Variants in SVIL observed in about 807,000 individuals in gnomAD.
SVIL encodes the protein archvillin.
SVIL carries 101 observed loss-of-function variants against 240.4 expected under a neutral mutation model. The ratio of observed to expected loss-of-function variants is 0.42; its 90% CI spans 0.36 to 0.50. SVIL has a LOEUF of 0.50. SVIL is among the 20% of genes least tolerant of loss of function. SVIL has a pLI of 0.01. For missense variants in SVIL, 2,512 were observed against 2,818.7 expected, an observed-to-expected ratio of 0.89 and a Z score of 2.46; for synonymous variants, 999 against 1,100.0, an observed-to-expected ratio of 0.91 and a Z score of 1.82.
chr10:29,509,335 GAGA>G (rs1564540980), intron 17 of SVIL, among the ~76,000 whole-genome samples: 109 of 47,144 alleles, frequency 2.3e-3, no homozygotes, highest in Admixed American at 6.5e-3. Context: ...GGGAGGGAGA[GAGA>G]GAGAGAGAGA....
rs184848251 is a variant in SVIL, at chr10:29,710,309, C to T, written c.-399-23658G>A. On this transcript the variant is annotated intron_variant, in intron 1 of 35. Transcript: ENST00000375400. ...GCTCAATTGATCTGCCCACCTTGGC[C>T]TCCTCCCAAAGTGTCGGGATTATAG... 1.3e-3 allele frequency among the ~76,000 whole-genome samples: 204 copies of T among 152,304 alleles called. 1 individual carries two copies. The highest frequency in any genetic ancestry group is 4.8e-3 in the African/African-American group (199 of 41,576).
At chr10:29,652,216 A>C (rs371872556) in intron 3 of SVIL, among the ~76,000 whole-genome samples, 14 of 152,224 alleles carry the variant, frequency 9.2e-5, no homozygotes, top group African/African-American at 2.9e-4. Context: ...TTGCCACCAT[A>C]CACCCCCTGT....
In SVIL at chr10:29,497,453, A is replaced by T. The variant is rs114725061; in HGVS notation, c.3664+1663T>A. ...TGCAGGATATGAAATAAAGCCCCAA[A>T]CACTCTTATGAAGCCTCAAAGCTCT... On this transcript the variant is annotated intron_variant, in intron 18 of 37. Coordinates refer to ENST00000355867, the MANE Select transcript of SVIL (RefSeq NM_021738.3). Among the ~76,000 whole-genome samples, 716 of 152,330 alleles carry T rather than the reference A, an allele frequency of 4.7e-3. 6 individuals are homozygous for T. The highest frequency in any genetic ancestry group is 0.017 in the African/African-American group (686 of 41,570).
intron 3 of SVIL, among the ~76,000 whole-genome samples, chr10:29,561,584 A>AT (rs199711026): frequency 0.14 from 20,830 of 144,528 alleles, 1,481 homozygotes; most frequent in South Asian, 0.19. Context: ...CTCAGAGGAA[A>AT]TTTTTTTTTT....
intron 3 of SVIL, among the ~76,000 whole-genome samples, chr10:29,655,772 T>C (rs961032191): frequency 6.6e-6 from 1 of 152,200 alleles, no homozygotes; most frequent in African/African-American, 2.4e-5. Flanking sequence ...CTTTCAGCCC[T>C]TCACCATTCA....
At chr10:29,552,709 C>T (rs1953491099) in intron 5 of SVIL, among the ~76,000 whole-genome samples, 1 of 152,030 alleles carries the variant, frequency 6.6e-6, no homozygotes, top group Non-Finnish European at 1.5e-5. Context: ...ATTAAATATT[C>T]ATGTATCTTT....
chr10:29,725,760 T>C (rs1964248551), intron 1 of SVIL, among the ~76,000 whole-genome samples: 1 of 152,112 alleles, frequency 6.6e-6, no homozygotes, highest in South Asian at 2.1e-4. Context: ...AAAGAAAGCC[T>C]CTTTAGAAAC....
intron 1 of SVIL, among the ~76,000 whole-genome samples, chr10:29,731,241 A>G (rs1288923115): frequency 6.6e-6 from 1 of 152,304 alleles, no homozygotes; most frequent in Non-Finnish European, 1.5e-5. Context: ...CCCAACCCTT[A>G]TTCATCTTTA....
chr10:29,538,421 A>G (rs964435862), intron 6 of SVIL, among the ~76,000 whole-genome samples: 2 of 152,262 alleles, frequency 1.3e-5, no homozygotes, highest in African/African-American at 4.8e-5. Context: ...GTCTGAGTAT[A>G]TAGACAGTCT....
chr10:29,642,412 AGAGT>A (rs1958513815), intron 3 of SVIL, among the ~76,000 whole-genome samples: 3 of 138,260 alleles, frequency 2.2e-5, no homozygotes, highest in Non-Finnish European at 3.1e-5. Context: ...AGAAAGAGAG[AGAGT>A]GAGAAAGAAA....
intron 20 of SVIL, among the ~76,000 whole-genome samples, chr10:29,494,588 A>G (rs1310508438): frequency 6.6e-6 from 1 of 152,184 alleles, no homozygotes; most frequent in Non-Finnish European, 1.5e-5. Flanking sequence ...ATTAGCTTTT[A>G]CCTTATTGGA....
intron 32 of SVIL, among the ~76,000 whole-genome samples, chr10:29,468,763 A>G (rs1945225810): frequency 6.6e-6 from 1 of 152,096 alleles, no homozygotes; most frequent in Non-Finnish European, 1.5e-5. Context: ...TGAATGGAAA[A>G]ATGCTCTGCA....
chr10:29,507,872 C>T (rs61849292), intron 17 of SVIL: 67,921 of 717,328 alleles, frequency 0.095, 3,647 homozygotes, highest in African/African-American at 0.21. Flanking sequence ...AGAGCGGGGC[C>T]GGGCAGGGAC....
intron 1 of SVIL, among the ~76,000 whole-genome samples, chr10:29,584,614 G>A (rs1051846445): frequency 6.6e-6 from 1 of 152,230 alleles, no homozygotes; most frequent in Non-Finnish European, 1.5e-5. Flanking sequence ...GCCCACAACA[G>A]AACCCCGTGC....
intron 16 of SVIL, among the ~76,000 whole-genome samples, 166 bp from the exon 17 acceptor site, chr10:29,513,027 T>G (rs1359336406): frequency 1.3e-5 from 2 of 152,196 alleles, no homozygotes; most frequent in African/African-American, 4.8e-5. Flanking sequence ...TCTGGAAAAA[T>G]AATAAAGTCC....
chr10:29,701,382 C>T (rs376624412), intron 1 of SVIL, among the ~76,000 whole-genome samples: 4 of 152,294 alleles, frequency 2.6e-5, no homozygotes, highest in African/African-American at 9.6e-5. Context: ...CAGCCAGCTT[C>T]ATCATTGGAT....
intron 21 of SVIL, among the ~76,000 whole-genome samples, chr10:29,492,315 C>T (rs1206826628): frequency 6.6e-6 from 1 of 152,006 alleles, no homozygotes; most frequent in African/African-American, 2.4e-5. Flanking sequence ...AAAAGCTACC[C>T]GTGCTGGGCT....
chr10:29,462,205 C>T (rs950347121), intron 36 of SVIL, 72 bp downstream of exon 36: 5 of 1,543,404 alleles, frequency 3.2e-6, no homozygotes, highest in African/African-American at 1.4e-5. Flanking sequence ...TGGATGCTCT[C>T]CCCAAAGTAA....
chr10:29,712,626 G>C (rs1033163760), intron 1 of SVIL, among the ~76,000 whole-genome samples: 1 of 152,128 alleles, frequency 6.6e-6, no homozygotes, highest in African/African-American at 2.4e-5. Context: ...CAACACTAAA[G>C]GGACTAAGAC....
Sources: gnomAD v4.1 joint callset for allele counts (sites outside exome capture counted in the v4.1 genomes callset) on GRCh38, gnomAD v4.1.1 for gene constraint, MANE v1.5 for transcripts, NCBI Gene and HGNC (gene_info 2026-07-23, HGNC 2026-07-21) for gene names.